Variants in DNER observed in about 807,000 individuals in gnomAD.
DNER encodes the protein delta and Notch-like epidermal growth factor-related receptor.
In DNER, 33 loss-of-function variants were observed where a neutral mutation model predicts 78.2. The ratio of observed to expected loss-of-function variants is 0.42; its 90% CI spans 0.32 to 0.56. The LOEUF is 0.56. DNER is among the 20% of genes least tolerant of loss of function. The pLI is 0.11. For synonymous variants in DNER, 417 were observed against 384.8 expected (o/e 1.08, Z -0.98); for missense variants, 918 against 975.3 (o/e 0.94, Z 0.78).
chr2:229,518,008 T>C (rs1049321478), intron 5 of DNER, among the ~76,000 whole-genome samples: 1 of 152,206 alleles, frequency 6.6e-6, no homozygotes, highest in Non-Finnish European at 1.5e-5. Context: ...TTAAATTACC[T>C]TGTTTCATTA....
intron 7 of DNER, among the ~76,000 whole-genome samples, chr2:229,463,431 G>T (rs1383383895): frequency 6.6e-6 from 1 of 152,074 alleles, no homozygotes; most frequent in Non-Finnish European, 1.5e-5. Flanking sequence ...AGATCAAAAT[G>T]AAAGTAGAAA....
intron 1 of DNER, among the ~76,000 whole-genome samples, chr2:229,629,540 A>G (rs575405829): frequency 3.0e-4 from 45 of 152,330 alleles, no homozygotes; most frequent in African/African-American, 1.1e-3. Flanking sequence ...TGAGTGAGTC[A>G]GCCCTTAAAA....
At chr2:229,571,276 G>C (rs924505618) in intron 4 of DNER, among the ~76,000 whole-genome samples, 1 of 152,134 alleles carries the variant, frequency 6.6e-6, no homozygotes, top group South Asian at 2.1e-4. Flanking sequence ...TGCCTCATCA[G>C]AAGAGGGAAG....
At chr2:229,523,359 G>A (rs1016356514) in intron 5 of DNER, among the ~76,000 whole-genome samples, 10 of 152,160 alleles carry the variant, frequency 6.6e-5, no homozygotes, top group South Asian at 2.1e-4. Context: ...CTTTCTCATC[G>A]CTCTGGAGGT....
At chr2:229,481,115 C>G (rs1052212324) in intron 6 of DNER, among the ~76,000 whole-genome samples, 7 of 152,186 alleles carry the variant, frequency 4.6e-5, no homozygotes, top group Non-Finnish European at 1.0e-4. Flanking sequence ...TAGCCTGATG[C>G]TCTACCCACC....
At chr2:229,470,782 G>A (rs1455042490) in intron 7 of DNER, among the ~76,000 whole-genome samples, 2 of 152,136 alleles carry the variant, frequency 1.3e-5, no homozygotes, top group East Asian at 1.9e-4. Context: ...TCTGGGAAGC[G>A]GAGGTTACAG....
chr2:229,553,979 T>C (rs1208909116), intron 4 of DNER, among the ~76,000 whole-genome samples: 2 of 152,138 alleles, frequency 1.3e-5, no homozygotes, highest in African/African-American at 2.4e-5. Flanking sequence ...GCATTACTCA[T>C]AAAAGGTGCT....
At chr2:229,521,985 T>A (rs1696108133) in intron 5 of DNER, among the ~76,000 whole-genome samples, 1 of 152,194 alleles carries the variant, frequency 6.6e-6, no homozygotes. Context: ...ATCATTCTTT[T>A]ATTCGGGTTC....
At chr2:229,490,328 C>T (rs1695372564) in intron 6 of DNER, among the ~76,000 whole-genome samples, 1 of 152,170 alleles carries the variant, frequency 6.6e-6, no homozygotes, top group Non-Finnish European at 1.5e-5. Flanking sequence ...GATGGAAATA[C>T]TCCAAGTGTC....
At chr2:229,601,204 C>A (rs1402956260) in intron 1 of DNER, among the ~76,000 whole-genome samples, 1 of 152,128 alleles carries the variant, frequency 6.6e-6, no homozygotes, top group African/African-American at 2.4e-5. Flanking sequence ...CCTTCTGAAA[C>A]GCAAATGAAC....
rs201917911 is a variant in DNER at position 229,512,931 on chromosome 2, A to C, written c.999T>G (p.Thr333=). 258 of 1,613,756 alleles carry C rather than the reference A, an allele frequency of 1.6e-4. 1 individual carries two copies. In the East Asian group the frequency reaches 5.2e-3, roughly 32 times the overall value. ...GKCTTKPSEA[T]FSCTCEEQYV... Reference sequence around the variant, plus strand: ...ACTGCTCCTCACAGGTACAGGAAAAAGTTGCCTAAAACACAAAAAAAGCAC... The same window carrying C: ...ACTGCTCCTCACAGGTACAGGAAAACGTTGCCTAAAACACAAAAAAAGCAC... Residue 333 remains threonine, a synonymous_variant, in exon 6 of 13, where the codon ACT becomes ACG. Transcript: ENST00000341772.
intron 1 of DNER, among the ~76,000 whole-genome samples, chr2:229,620,370 G>C (rs963764257): frequency 1.3e-5 from 2 of 152,150 alleles, no homozygotes; most frequent in African/African-American, 4.8e-5. Context: ...TCATATCAGA[G>C]TTATAATTAT....
chr2:229,457,558 A>G (rs1694603090), intron 7 of DNER, among the ~76,000 whole-genome samples: 1 of 152,068 alleles, frequency 6.6e-6, no homozygotes, highest in Admixed American at 6.5e-5. Flanking sequence ...AGTATAGCTA[A>G]GAAGCCAGTT....
intron 2 of DNER, 36 bp from the exon 3 acceptor site, chr2:229,588,524 G>T (rs1165133474): frequency 1.3e-6 from 2 of 1,575,878 alleles, no homozygotes; most frequent in Admixed American, 1.7e-5. Flanking sequence ...TATGATTGGG[G>T]TTGTTTATAG....
intron 10 of DNER, among the ~76,000 whole-genome samples, chr2:229,397,474 A>AAAAAAAAAAAAAAAAG (rs900805435): frequency 6.7e-6 from 1 of 149,680 alleles, no homozygotes; most frequent in African/African-American, 2.5e-5. Context: ...AAAAAAAAAA[A>AAAAAAAAAAAAAAAAG]AAAAACTGCA....
At chr2:229,467,979 T>C (rs1463937244) in intron 7 of DNER, among the ~76,000 whole-genome samples, 1 of 152,206 alleles carries the variant, frequency 6.6e-6, no homozygotes, top group Non-Finnish European at 1.5e-5. Flanking sequence ...CATGGCCGGC[T>C]GCCACAGCCG....
intron 11 of DNER, among the ~76,000 whole-genome samples, chr2:229,382,226 CAAAA>C (rs1692755662): frequency 6.6e-6 from 1 of 152,112 alleles, no homozygotes; most frequent in South Asian, 2.1e-4. Flanking sequence ...TCAACATCAA[CAAAA>C]AGGATGTCCA....
intron 4 of DNER, among the ~76,000 whole-genome samples, chr2:229,567,200 T>C (rs879117685): frequency 3.3e-5 from 5 of 152,248 alleles, no homozygotes; most frequent in African/African-American, 1.2e-4. Flanking sequence ...CACAAGGTTG[T>C]TATATTTTTA....
intron 8 of DNER, among the ~76,000 whole-genome samples, chr2:229,420,620 T>C (rs1327369760): frequency 3.3e-5 from 5 of 152,156 alleles, no homozygotes; most frequent in African/African-American, 9.6e-5. Flanking sequence ...ATAATACAAA[T>C]GGCCAACAGG....
Sources: gnomAD v4.1 joint callset for allele counts (sites outside exome capture counted in the v4.1 genomes callset) on GRCh38, gnomAD v4.1.1 for gene constraint, MANE v1.5 for transcripts, NCBI Gene and HGNC (gene_info 2026-07-23, HGNC 2026-07-21) for gene names.